The following C10orf90 variants were observed in gnomAD, a reference collection of about 807,000 sequenced individuals.
C10orf90 encodes the protein chromosome 10 open reading frame 90, also known as (E2-independent) E3 ubiquitin-conjugating enzyme FATS.
A neutral mutation model predicts 62.5 loss-of-function variants in C10orf90; 56 were observed. That is an observed-to-expected ratio of 0.90 (90% CI 0.72 to 1.12). C10orf90 has a LOEUF of 1.12. Ranked by LOEUF, C10orf90 falls within the 50% of genes most tolerant of loss-of-function variation. C10orf90 has a pLI of 0.00. For missense variants in C10orf90, 970 were observed against 880.4 expected (o/e 1.10, Z -1.29); for synonymous variants, 386 against 340.4 (o/e 1.13, Z -1.47).
intron 2 of C10orf90, among the ~76,000 whole-genome samples, chr10:126,600,020 G>C (rs796839947): frequency 6.6e-6 from 1 of 152,244 alleles, no homozygotes; most frequent in Non-Finnish European, 1.5e-5. Flanking sequence ...ATTGGCCACT[G>C]TAGTCCAATT....
At chr10:126,550,897 C>T (rs1236272866) in intron 2 of C10orf90, among the ~76,000 whole-genome samples, 9 of 152,224 alleles carry the variant, frequency 5.9e-5, no homozygotes, top group Non-Finnish European at 1.2e-4. Flanking sequence ...TACAATGCCA[C>T]TGCCTTTCTC....
intron 2 of C10orf90, among the ~76,000 whole-genome samples, chr10:126,588,554 G>C (rs189835770): frequency 3.2e-4 from 49 of 152,324 alleles, no homozygotes; most frequent in Admixed American, 1.5e-3. Context: ...GAGGCAACTA[G>C]GGTCTGGAGT....
chr10:126,428,854 A>G (rs1305573580), intron 8 of C10orf90, among the ~76,000 whole-genome samples: 1 of 152,134 alleles, frequency 6.6e-6, no homozygotes, highest in Non-Finnish European at 1.5e-5. Flanking sequence ...AATGCTACGA[A>G]TCAGGTCTTT....
intron 2 of C10orf90, among the ~76,000 whole-genome samples, chr10:126,607,239 T>TTCATTTTAATG (rs1845332028): frequency 6.6e-6 from 1 of 152,216 alleles, no homozygotes; most frequent in Non-Finnish European, 1.5e-5. Context: ...ATTATATAGC[T>TTCATTTTAATG]ACCATTGAGT....
At chr10:126,602,100 A>G (rs929714706) in intron 2 of C10orf90, among the ~76,000 whole-genome samples, 1 of 152,106 alleles carries the variant, frequency 6.6e-6, no homozygotes. Flanking sequence ...GTCCCTCCCA[A>G]TGAGGCCCAC....
chr10:126,586,368 C>T (rs934437488), intron 2 of C10orf90, among the ~76,000 whole-genome samples: 17 of 152,190 alleles, frequency 1.1e-4, no homozygotes, highest in Admixed American at 1.0e-3. Flanking sequence ...AGCAAAAGAG[C>T]GTTTGCAACG....
intron 7 of C10orf90, among the ~76,000 whole-genome samples, chr10:126,441,037 C>T (rs531903927): frequency 2.0e-5 from 3 of 152,194 alleles, no homozygotes; most frequent in African/African-American, 7.2e-5. Flanking sequence ...AGAATAAATA[C>T]CTAATTTATC....
intron 7 of C10orf90, among the ~76,000 whole-genome samples, chr10:126,445,826 T>TATATATACAC (rs57867349): frequency 6.9e-6 from 1 of 144,768 alleles, no homozygotes; most frequent in Non-Finnish European, 1.5e-5. Flanking sequence ...TATATATATA[T>TATATATACAC]ACAATGGAAT....
chr10:126,647,414 C>T (rs900700941), intron 1 of C10orf90, among the ~76,000 whole-genome samples: 6 of 152,192 alleles, frequency 3.9e-5, no homozygotes, highest in East Asian at 3.9e-4. Flanking sequence ...TGTCCCAGTC[C>T]CGAAGCTGAG....
intron 2 of C10orf90, among the ~76,000 whole-genome samples, chr10:126,545,349 T>C (rs1351179790): frequency 1.4e-4 from 21 of 152,214 alleles, no homozygotes; most frequent in Admixed American, 1.4e-3. Context: ...TGTGTCCCTG[T>C]AGCCTTAATT....
intron 7 of C10orf90, among the ~76,000 whole-genome samples, chr10:126,448,102 C>G (rs961732678): frequency 7.1e-6 from 1 of 141,440 alleles, no homozygotes; most frequent in South Asian, 2.2e-4. Context: ...GATCTCTTGA[C>G]CTCATGATCC....
intron 1 of C10orf90, among the ~76,000 whole-genome samples, chr10:126,650,480 A>G (rs1252083334): frequency 1.3e-5 from 2 of 152,142 alleles, no homozygotes; most frequent in African/African-American, 4.8e-5. Flanking sequence ...GATCATTATT[A>G]TTTCCACTTT....
intron 2 of C10orf90, among the ~76,000 whole-genome samples, chr10:126,545,984 T>C (rs1864480754): frequency 6.6e-6 from 1 of 152,216 alleles, no homozygotes; most frequent in African/African-American, 2.4e-5. Flanking sequence ...AGACTAGCTA[T>C]GGACCTCGAG....
chr10:126,524,686 C>T, intron 2 of C10orf90: 3 of 986,242 alleles, frequency 3.0e-6, no homozygotes, highest in Non-Finnish European at 3.6e-6. Flanking sequence ...CATGTCAGCT[C>T]CTCCTCTGGG....
chr10:126,659,251 C>T (rs1437389226), intron 1 of C10orf90, among the ~76,000 whole-genome samples: 1 of 152,202 alleles, frequency 6.6e-6, no homozygotes, highest in Non-Finnish European at 1.5e-5. Flanking sequence ...GAGCCATGCA[C>T]TGAGAAGCTG....
chr10:126,592,960 G>A (rs1281441694), intron 2 of C10orf90, among the ~76,000 whole-genome samples: 1 of 152,188 alleles, frequency 6.6e-6, no homozygotes, highest in Non-Finnish European at 1.5e-5. Context: ...CTGATCATTA[G>A]AAATGCACGT....
chr10:126,652,989 A>G (rs1846320797), intron 1 of C10orf90, among the ~76,000 whole-genome samples: 1 of 152,258 alleles, frequency 6.6e-6, no homozygotes, highest in Non-Finnish European at 1.5e-5. Flanking sequence ...TGTTGTTTAC[A>G]CTATATTATA....
At chr10:126,630,435 G>A (rs534828153) in intron 2 of C10orf90, among the ~76,000 whole-genome samples, 1 of 152,306 alleles carries the variant, frequency 6.6e-6, no homozygotes, top group South Asian at 2.1e-4. Context: ...GCTCTGAGAA[G>A]TGTAGAGGGG....
chr10:126,530,175 A>G (rs926418941), intron 2 of C10orf90, among the ~76,000 whole-genome samples: 6 of 152,148 alleles, frequency 3.9e-5, no homozygotes, highest in Non-Finnish European at 7.4e-5. Flanking sequence ...ATATTCAACT[A>G]TCTATCAGTG....
Sources: allele counts gnomAD v4.1 joint callset (sites outside exome capture counted in the v4.1 genomes callset), GRCh38; gene constraint gnomAD v4.1.1; transcripts MANE v1.5; gene names NCBI Gene and HGNC (gene_info 2026-07-23, HGNC 2026-07-21).